PPARGC1A: variants seen among roughly 807,000 people sequenced by gnomAD.
PPARGC1A encodes the protein peroxisome proliferator-activated receptor gamma coactivator 1-alpha.
Under a neutral mutation model 88.7 loss-of-function variants are expected in PPARGC1A, and 25 were observed. The ratio of observed to expected loss-of-function variants is 0.28; its 90% CI spans 0.21 to 0.39. The LOEUF (loss-of-function observed/expected upper bound fraction) is 0.39, where lower values mean the gene tolerates loss of function less well. Ranked by LOEUF, PPARGC1A falls within the 10% of genes least tolerant of loss-of-function variation. PPARGC1A has a pLI of 1.00. For missense variants in PPARGC1A, 880 were observed against 968.7 expected (o/e 0.91, Z 1.22); for synonymous variants, 363 against 355.6 (o/e 1.02, Z -0.24).
At chr4:24,100,793 C>T in the PPARGC1A span, among the ~76,000 whole-genome samples, 6 of 152,272 alleles carry the variant, frequency 3.9e-5, no homozygotes, top group South Asian at 1.2e-3. Context: ...TTGCGAGTAA[C>T]ATGGCTGTTC....
At chr4:24,018,940 T>C in the PPARGC1A span, among the ~76,000 whole-genome samples, 1 of 152,238 alleles carries the variant, frequency 6.6e-6, no homozygotes, top group African/African-American at 2.4e-5. Context: ...TGTATTTCCA[T>C]ATACCAGGGA....
chr4:24,139,461 A>T, the PPARGC1A span, among the ~76,000 whole-genome samples: 3 of 152,204 alleles, frequency 2.0e-5, no homozygotes, highest in Non-Finnish European at 4.4e-5. Context: ...CAACTGACTT[A>T]AAATCACTGT....
At chr4:24,247,970 T>A in the PPARGC1A span, among the ~76,000 whole-genome samples, 1 of 152,206 alleles carries the variant, frequency 6.6e-6, no homozygotes, top group East Asian at 1.9e-4. Flanking sequence ...TCCCTTCCCT[T>A]TCCAAAAGAT....
chr4:24,026,163 G>A, the PPARGC1A span, among the ~76,000 whole-genome samples: 1 of 152,162 alleles, frequency 6.6e-6, no homozygotes, highest in Non-Finnish European at 1.5e-5. Flanking sequence ...GTAACAATTA[G>A]TTGATGCTGA....
At chr4:24,154,915 T>C in the PPARGC1A span, among the ~76,000 whole-genome samples, 1 of 152,206 alleles carries the variant, frequency 6.6e-6, no homozygotes, top group African/African-American at 2.4e-5. Context: ...GAATAGTTGC[T>C]AAGCCTTGAG....
chr4:24,459,912 T>A, the PPARGC1A span, among the ~76,000 whole-genome samples: 4 of 152,362 alleles, frequency 2.6e-5, no homozygotes. Flanking sequence ...TCTTAAATAC[T>A]GTATATGCCC....
chr4:23,812,963 T>C (rs1721207630), intron 9 of PPARGC1A, 58 bp downstream of exon 9: 1 of 1,611,582 alleles, frequency 6.2e-7, no homozygotes, highest in South Asian at 1.1e-5. Flanking sequence ...TTGGAGAACA[T>C]CTTGTCATCT....
chr4:24,266,449 G>A, the PPARGC1A span, among the ~76,000 whole-genome samples: 6 of 152,172 alleles, frequency 3.9e-5, no homozygotes, highest in Non-Finnish European at 7.4e-5. Context: ...CAGTCAGTAG[G>A]TGCCTCCATC....
At chr4:23,885,903 T>A (rs1716792430) in intron 1 of PPARGC1A, among the ~76,000 whole-genome samples, 1 of 152,172 alleles carries the variant, frequency 6.6e-6, no homozygotes, top group Non-Finnish European at 1.5e-5. Context: ...TTTTAGATTG[T>A]CAAAGCATTT....
At chr4:24,426,631 A>G in the PPARGC1A span, among the ~76,000 whole-genome samples, 1 of 152,190 alleles carries the variant, frequency 6.6e-6, no homozygotes, top group African/African-American at 2.4e-5. Flanking sequence ...TGACCTTAAA[A>G]CCATGCATTA....
chr4:24,284,904 T>C, the PPARGC1A span, among the ~76,000 whole-genome samples: 2 of 152,066 alleles, frequency 1.3e-5, no homozygotes, highest in African/African-American at 2.4e-5. Context: ...GGCAGGTGCC[T>C]GTAATCCCAG....
chr4:24,007,697 G>C, the PPARGC1A span, among the ~76,000 whole-genome samples: 6 of 152,170 alleles, frequency 3.9e-5, no homozygotes, highest in African/African-American at 1.4e-4. Context: ...ATGAGATAGG[G>C]AGGGAGGGAG....
At chr4:24,325,760 C>T in the PPARGC1A span, among the ~76,000 whole-genome samples, 1 of 152,072 alleles carries the variant, frequency 6.6e-6, no homozygotes, top group Non-Finnish European at 1.5e-5. Flanking sequence ...AAGGTAAGTC[C>T]GTCCCCTTCT....
chr4:24,370,700 T>C, the PPARGC1A span, among the ~76,000 whole-genome samples: 4 of 139,106 alleles, frequency 2.9e-5, no homozygotes, highest in Non-Finnish European at 6.2e-5. Context: ...CCACAAGACA[T>C]CCCACTCCAT....
At chr4:24,091,693 G>T in the PPARGC1A span, 21 of 962,050 alleles carry the variant, frequency 2.2e-5, no homozygotes, top group Non-Finnish European at 2.5e-5. Flanking sequence ...AGAACCCACC[G>T]GGGAACAAAT....
chr4:23,817,970 AGTT>A (rs1198812279), intron 7 of PPARGC1A, among the ~76,000 whole-genome samples: 1 of 152,146 alleles, frequency 6.6e-6, no homozygotes, highest in Non-Finnish European at 1.5e-5. Context: ...CCTCTGAACT[AGTT>A]GTTATTTCTC....
chr4:24,174,832 T>G, the PPARGC1A span, among the ~76,000 whole-genome samples: 9 of 152,196 alleles, frequency 5.9e-5, no homozygotes, highest in South Asian at 2.1e-4. Flanking sequence ...CCAGACTAAT[T>G]TGAACATGTC....
the PPARGC1A span, among the ~76,000 whole-genome samples, chr4:24,077,577 T>C: frequency 6.6e-6 from 1 of 151,590 alleles, no homozygotes; most frequent in Non-Finnish European, 1.5e-5. Context: ...TTTTAGTAGA[T>C]TTTCTTTAGC....
chr4:24,461,602 G>C, the PPARGC1A span, among the ~76,000 whole-genome samples: 5 of 149,310 alleles, frequency 3.3e-5, no homozygotes, highest in Non-Finnish European at 7.4e-5. Context: ...TGTCTCTATC[G>C]TGTCTATCGT....
Sources: gnomAD v4.1 joint callset for allele counts (sites outside exome capture counted in the v4.1 genomes callset) on GRCh38, gnomAD v4.1.1 for gene constraint, MANE v1.5 for transcripts, NCBI Gene and HGNC (gene_info 2026-07-23, HGNC 2026-07-21) for gene names.